The following SLCO1A2 variants were observed in gnomAD, a reference collection of about 807,000 sequenced individuals.
The protein encoded by SLCO1A2 is OATP-1.
SLCO1A2 carries 67 observed loss-of-function variants against 69.0 expected under a neutral mutation model. The observed-to-expected ratio is 0.97, with a 90% CI of 0.80 to 1.19. The LOEUF is 1.19. Among genes scored for constraint, SLCO1A2 ranks in the 50% most tolerant of loss-of-function variants. The pLI is 0.00. For synonymous variants in SLCO1A2, 260 were observed against 265.9 expected (o/e 0.98, Z 0.22); for missense variants, 787 against 793.7 (o/e 0.99, Z 0.10).
rs181473327 is a variant in SLCO1A2 at position 21,353,438 on chromosome 12, G to T, written c.-62-18729C>A. Among the ~76,000 whole-genome samples, 9 of 151,380 alleles carry T rather than the reference G, an allele frequency of 5.9e-5. No homozygotes were observed. In the South Asian group the frequency reaches 1.9e-3, roughly 32 times the overall value. ...AAGACTTCTACTATATGGAAGGTTCGTAGCCTCTTTCTTTATTTTTGGGAT... is the reference window on the plus strand; with the variant it reads ...AAGACTTCTACTATATGGAAGGTTCTTAGCCTCTTTCTTTATTTTTGGGAT... On this transcript the variant is annotated intron_variant, in intron 2 of 15. Transcript: ENST00000307378.
chr12:21,280,679 A>C (rs1394554617), intron 12 of SLCO1A2, among the ~76,000 whole-genome samples: 1 of 98,188 alleles, frequency 1.0e-5, no homozygotes, highest in Non-Finnish European at 2.2e-5. Context: ...CTTCCAGACC[A>C]AAAAAAAAAA....
At chr12:21,349,724 C>T (rs1193836012) in intron 2 of SLCO1A2, among the ~76,000 whole-genome samples, 1 of 152,188 alleles carries the variant, frequency 6.6e-6, no homozygotes, top group East Asian at 1.9e-4. Context: ...GTTTCTCCAG[C>T]ATCGGCCAGT....
In SLCO1A2 at chr12:21,276,387, GACACACAC is replaced by G. The variant is rs3060629; in HGVS notation, c.1611-971_1611-964del. Among the ~76,000 whole-genome samples, 224 of 141,898 alleles carry G rather than the reference GACACACAC, an allele frequency of 1.6e-3. 1 individual carries two copies. The highest frequency in any genetic ancestry group is 5.2e-3 in the African/African-American group (205 of 39,316). The allele number at this position is 141,898 out of a possible 152,430, so 93.1% of individuals were successfully genotyped here. A position where few individuals can be genotyped will look rare whatever the true frequency, so the allele number is the denominator to read the frequency against. On this transcript the variant is annotated intron_variant, in intron 12 of 14. Transcript: ENST00000683939. ...CGTAGAGATGATAGAGATAAATATGGACACACACACACACACACACACACACACACACA... is the reference window on the plus strand; with the variant it reads ...CGTAGAGATGATAGAGATAAATATGGACACACACACACACACACACACACA...
At chr12:21,299,855 T>C (rs1230609094) in intron 8 of SLCO1A2, among the ~76,000 whole-genome samples, 2 of 122,770 alleles carry the variant, frequency 1.6e-5, no homozygotes, top group South Asian at 2.4e-4. Context: ...TATATACGTG[T>C]ATATATATAT....
intron 12 of SLCO1A2, among the ~76,000 whole-genome samples, chr12:21,278,582 A>G (rs1165962198): frequency 6.6e-6 from 1 of 152,202 alleles, no homozygotes; most frequent in Non-Finnish European, 1.5e-5. Context: ...AAGAACAAGA[A>G]TCTCTGCCTG....
At chr12:21,367,777 C>A (rs1196785999) in intron 2 of SLCO1A2, among the ~76,000 whole-genome samples, 3 of 151,620 alleles carry the variant, frequency 2.0e-5, no homozygotes, top group Non-Finnish European at 4.4e-5. Context: ...GGAAGGGATT[C>A]CTGTTGATCC....
At chr12:21,303,844 CTAAG>C (rs1401922475) in intron 6 of SLCO1A2, among the ~76,000 whole-genome samples, 1 of 151,988 alleles carries the variant, frequency 6.6e-6, no homozygotes, top group Non-Finnish European at 1.5e-5. Context: ...TGTATAGAAA[CTAAG>C]TAAGTGAATG....
At chr12:21,392,390 G>A (rs1941203745) in intron 1 of SLCO1A2, among the ~76,000 whole-genome samples, 1 of 152,138 alleles carries the variant, frequency 6.6e-6, no homozygotes, top group African/African-American at 2.4e-5. Context: ...TCCAGCCACA[G>A]CCTTTTTGCC....
intron 4 of SLCO1A2, chr12:21,311,746 T>C (rs1351516460): frequency 1.5e-5 from 2 of 136,010 alleles, no homozygotes; most frequent in East Asian, 4.0e-4. Flanking sequence ...ACCAACATGG[T>C]GAAACTCCGT....
In SLCO1A2 at chr12:21,287,752, A is replaced by G. The variant is rs1002945198; in HGVS notation, c.1610+4412T>C. 5.2e-5 allele frequency among the ~76,000 whole-genome samples: 6 copies of G among 116,120 alleles called. 1 individual carries two copies. Among genetic ancestry groups the G allele is most frequent in the South Asian group, 3.3e-4 (1 of 3,070 alleles). The allele number at this position is 116,120 out of a possible 152,430, so 76.2% of individuals were successfully genotyped here. On this transcript the variant is annotated intron_variant, in intron 12 of 14. Coordinates refer to ENST00000683939, the MANE Select transcript of SLCO1A2 (RefSeq NM_001386879.1). ...TGGAAACCATCATTCTCAGTAAACT[A>G]TCGCAAGAACAAAAAACCAAACACC...
chr12:21,286,620 C>T lies in SLCO1A2; in HGVS notation c.1610+5544G>A, dbSNP rs1362187924. ...CCTGACTTCAAACTATACTACAAGGCTACAGTAACCAAAACAGCACGGTAC... is the reference window on the plus strand; with the variant it reads ...CCTGACTTCAAACTATACTACAAGGTTACAGTAACCAAAACAGCACGGTAC... On this transcript the variant is annotated intron_variant, in intron 12 of 14. Transcript: ENST00000683939. Among the ~76,000 whole-genome samples, 3 of 125,016 alleles carry T rather than the reference C, an allele frequency of 2.4e-5. No individual in the cohort carries two copies. In the Admixed American group the frequency reaches 2.6e-4, roughly 11 times the overall value. 82.0% of individuals were successfully genotyped at this position (125,016 alleles called of 152,430 possible).
Position 21,318,793 on chromosome 12 carries a change from C to T in SLCO1A2, c.191G>A (p.Ser64Asn), listed in dbSNP as rs747052121. 8 of 1,596,012 alleles carry T rather than the reference C, an allele frequency of 5.0e-6. No homozygotes were observed. In the South Asian group the frequency reaches 8.1e-5, roughly 16 times the overall value. ...AAATAATTCATTACCAATCTCAAAG[C>T]TTCCATTAATGAATCCAACTAGAGA... is the stretch of plus-strand genomic sequence containing the variant. ...PTSLVGFING[S>N]FEIGNLLLII... The change falls in exon 3 of 15, where the codon AGC (serine) becomes AAC (asparagine). Residue 64 changes from serine (S) to asparagine (N), a missense_variant. By Grantham distance (46) the Ser-to-Asn change is conservative. Transcript: ENST00000683939.
At chr12:21,316,551 A>AT (rs1950887357) in intron 3 of SLCO1A2, among the ~76,000 whole-genome samples, 2 of 126,314 alleles carry the variant, frequency 1.6e-5, no homozygotes, top group African/African-American at 6.9e-5. Flanking sequence ...CACTGCTGAT[A>AT]CTTTTTTTTT....
intron 2 of SLCO1A2, among the ~76,000 whole-genome samples, chr12:21,331,902 G>T (rs530964351): frequency 7.2e-5 from 11 of 152,172 alleles, no homozygotes; most frequent in Admixed American, 5.9e-4. Context: ...CTCTGGAGTG[G>T]GTGGGGGCTC....
intron 12 of SLCO1A2, among the ~76,000 whole-genome samples, chr12:21,291,957 G>A (rs1946926266): frequency 6.6e-6 from 1 of 152,098 alleles, no homozygotes. Flanking sequence ...AAGTAGCGAG[G>A]AATAGGAGTG....
At chr12:21,396,684 C>T (rs529688323), upstream of SLCO1A2, among the ~76,000 whole-genome samples, 1 of 152,166 alleles carries the variant, frequency 6.6e-6, no homozygotes, top group East Asian at 1.9e-4. Context: ...TCAGCAGAAA[C>T]CCTACAAGCC....
intron 1 of SLCO1A2, among the ~76,000 whole-genome samples, chr12:21,410,563 T>A (rs1297507217): frequency 6.6e-6 from 1 of 152,178 alleles, no homozygotes; most frequent in African/African-American, 2.4e-5. Context: ...CTTTGGGTTT[T>A]GCTATTTAGA....
rs3983534 is a variant in SLCO1A2, at chr12:21,413,237, C to CTTTTTTTTTTTTTTTTTT, written c.-312+4627_-312+4644dup. On this transcript the variant is annotated intron_variant, in intron 1 of 4. Transcript: ENST00000413682. ...ACTTTCTTCTTTTCTTTTTCTTTTT[C>CTTTTTTTTTTTTTTTTTT]TTTTTTTTTTTTTTTTTTTGAGAAG... is the stretch of plus-strand genomic sequence containing the variant. Among the ~76,000 whole-genome samples the CTTTTTTTTTTTTTTTTTT allele has an allele frequency of 1.5e-4, 15 of 99,430 alleles. 1 individual carries two copies. The highest frequency in any genetic ancestry group is 3.5e-4 in the South Asian group (1 of 2,838). The allele number at this position is 99,430 out of a possible 152,430, so 65.2% of individuals were successfully genotyped here.
chr12:21,416,081 T>C (rs1941983458), intron 1 of SLCO1A2, among the ~76,000 whole-genome samples: 1 of 152,194 alleles, frequency 6.6e-6, no homozygotes, highest in Non-Finnish European at 1.5e-5. Flanking sequence ...TTAGTAACTA[T>C]ACTTTTTCTT....
Sources: gnomAD v4.1 joint callset for allele counts (sites outside exome capture counted in the v4.1 genomes callset) on GRCh38, gnomAD v4.1.1 for gene constraint, MANE v1.5 for transcripts, NCBI Gene and HGNC (gene_info 2026-07-23, HGNC 2026-07-21) for gene names.